DCLK2: variants seen among roughly 807,000 people sequenced by gnomAD.
The protein encoded by DCLK2 is doublecortin like kinase 2, also known as serine/threonine-protein kinase DCLK2.
DCLK2 carries 31 observed loss-of-function variants against 78.4 expected under a neutral mutation model. The observed-to-expected ratio is 0.40, with a 90% CI of 0.30 to 0.53. DCLK2 has a LOEUF of 0.53. Among genes scored for constraint, DCLK2 ranks in the 20% least tolerant of loss-of-function variants. DCLK2 has a pLI of 0.61. For missense variants in DCLK2, 872 were observed against 973.7 expected, an observed-to-expected ratio of 0.90 and a Z score of 1.39; for synonymous variants, 407 against 374.9, an observed-to-expected ratio of 1.09 and a Z score of -0.99.
At chr4:150,131,513 C>T (rs919045232) in intron 2 of DCLK2, among the ~76,000 whole-genome samples, 14 of 152,154 alleles carry the variant, frequency 9.2e-5, no homozygotes, top group African/African-American at 3.4e-4. Context: ...CGAAGAACTA[C>T]ATTGTGACTG....
chr4:150,153,207 G>A (rs1490361971), intron 2 of DCLK2, among the ~76,000 whole-genome samples: 1 of 152,156 alleles, frequency 6.6e-6, no homozygotes, highest in Non-Finnish European at 1.5e-5. Flanking sequence ...CTTTGAGTAT[G>A]GGGGTGGGGA....
intron 2 of DCLK2, among the ~76,000 whole-genome samples, chr4:150,190,472 A>G (rs1258562931): frequency 2.0e-5 from 3 of 152,194 alleles, no homozygotes; most frequent in East Asian, 3.8e-4. Flanking sequence ...CAGCTATAGA[A>G]GGAATGAACT....
chr4:150,188,219 A>G (rs1189196756), intron 2 of DCLK2, among the ~76,000 whole-genome samples: 1 of 152,168 alleles, frequency 6.6e-6, no homozygotes, highest in Non-Finnish European at 1.5e-5. Context: ...AACATTTGTC[A>G]TCCCAACACT....
chr4:150,197,982 G>A lies in DCLK2; in HGVS notation c.860-20G>A, dbSNP rs1319463207. The A allele has an allele frequency of 5.6e-6, 9 of 1,593,814 alleles. No homozygotes were observed. The highest frequency in any genetic ancestry group is 1.8e-5 in the Admixed American group (1 of 56,210). The stretch of plus-strand genomic sequence containing the variant: ...GTTATTAAAACCAGATTTAGTTAAT[G>A]CACTTTTGTTCTTTTCTAGAATGTC... On this transcript the variant is annotated intron_variant, in intron 3 of 15. Transcript: ENST00000296550.
In DCLK2 at chr4:150,249,699, G is replaced by A; in HGVS notation, c.2073+15G>A. 6.2e-7 allele frequency: 1 copy of A among 1,605,772 alleles called. No individual in the cohort carries two copies. The highest frequency in any genetic ancestry group is 2.2e-5 in the East Asian group (1 of 44,818). Reference sequence around the variant, plus strand: ...CCGTCATCATGGTGAGTGGAAGGCGGCAGGTCTGGCCTGACTGCGGAGCCG... The same window carrying A: ...CCGTCATCATGGTGAGTGGAAGGCGACAGGTCTGGCCTGACTGCGGAGCCG... On this transcript the variant is annotated intron_variant, in intron 15 of 15. Transcript: ENST00000296550.
At chr4:150,103,317 G>A (rs1402931609) in intron 2 of DCLK2, among the ~76,000 whole-genome samples, 3 of 152,180 alleles carry the variant, frequency 2.0e-5, no homozygotes, top group Admixed American at 6.5e-5. Context: ...TTCATAGGGA[G>A]CAATGGAGGT....
intron 2 of DCLK2, among the ~76,000 whole-genome samples, chr4:150,133,228 G>A (rs1232307142): frequency 1.3e-5 from 2 of 152,120 alleles, no homozygotes; most frequent in Non-Finnish European, 2.9e-5. Flanking sequence ...ACCGTGAAAA[G>A]GACACGTGTT....
At chr4:150,139,053 A>C (rs185457079) in intron 2 of DCLK2, among the ~76,000 whole-genome samples, 1 of 152,074 alleles carries the variant, frequency 6.6e-6, no homozygotes, top group South Asian at 2.1e-4. Flanking sequence ...ATTTTTTTCA[A>C]TGGAGATGAG....
intron 2 of DCLK2, among the ~76,000 whole-genome samples, chr4:150,128,633 T>C (rs1207056859): frequency 6.6e-6 from 1 of 152,226 alleles, no homozygotes; most frequent in East Asian, 1.9e-4. Flanking sequence ...TAACATATTT[T>C]ACAGTTTCCT....
chr4:150,232,597 C>T, intron 9 of DCLK2, 85 bp from the exon 10 acceptor site: 1 of 1,536,074 alleles, frequency 6.5e-7, no homozygotes, highest in Non-Finnish European at 8.9e-7. Context: ...GTGTCATTCT[C>T]TGCTTTATGC....
At chr4:150,247,491 C>A in intron 12 of DCLK2, 112 bp from the exon 13 acceptor site, 2 of 767,018 alleles carry the variant, frequency 2.6e-6, no homozygotes, top group South Asian at 3.5e-5. Flanking sequence ...ATACGGAATG[C>A]CCAAGTCAAA....
chr4:150,131,447 C>T (rs1325332785), intron 2 of DCLK2, among the ~76,000 whole-genome samples: 1 of 152,112 alleles, frequency 6.6e-6, no homozygotes, highest in African/African-American at 2.4e-5. Context: ...TGTAAGCCTA[C>T]ATTATATAGC....
chr4:150,088,522 C>A (rs1729809716), intron 1 of DCLK2, among the ~76,000 whole-genome samples: 1 of 151,948 alleles, frequency 6.6e-6, no homozygotes, highest in Admixed American at 6.6e-5. Context: ...GTTGCCCAGG[C>A]TGGCCTCCTG....
intron 1 of DCLK2, among the ~76,000 whole-genome samples, chr4:150,083,009 G>A (rs984096162): frequency 1.3e-5 from 2 of 152,178 alleles, no homozygotes; most frequent in African/African-American, 4.8e-5. Flanking sequence ...CCTGGCCTTG[G>A]CATCCTTTTC....
chr4:150,200,189 A>G (rs899807473), intron 4 of DCLK2, among the ~76,000 whole-genome samples: 1 of 152,228 alleles, frequency 6.6e-6, no homozygotes, highest in African/African-American at 2.4e-5. Context: ...TAATAAATAT[A>G]TACATAACTC....
intron 14 of DCLK2, among the ~76,000 whole-genome samples, chr4:150,248,619 C>T (rs1303430174): frequency 6.6e-6 from 1 of 152,208 alleles, no homozygotes; most frequent in African/African-American, 2.4e-5. Context: ...CTGTCCCTTT[C>T]TTGGCCCCAG....
intron 2 of DCLK2, among the ~76,000 whole-genome samples, chr4:150,176,513 C>G (rs1737103583): frequency 6.6e-6 from 1 of 152,200 alleles, no homozygotes; most frequent in Non-Finnish European, 1.5e-5. Flanking sequence ...CCAAGGGTGA[C>G]TTCTGTTCAT....
At chr4:150,187,676 G>A (rs1157398601) in intron 2 of DCLK2, among the ~76,000 whole-genome samples, 1 of 152,148 alleles carries the variant, frequency 6.6e-6, no homozygotes, top group Non-Finnish European at 1.5e-5. Context: ...ACCTAGAATA[G>A]TGCCTGGCAC....
intron 7 of DCLK2, among the ~76,000 whole-genome samples, chr4:150,224,156 T>C (rs115755799): frequency 6.6e-6 from 1 of 152,272 alleles, no homozygotes; most frequent in African/African-American, 2.4e-5. Flanking sequence ...ACATACAGTA[T>C]GGCTTTGTTT....
Sources: gnomAD v4.1 joint callset for allele counts (sites outside exome capture counted in the v4.1 genomes callset) on GRCh38, gnomAD v4.1.1 for gene constraint, MANE v1.5 for transcripts, NCBI Gene and HGNC (gene_info 2026-07-23, HGNC 2026-07-21) for gene names.